EIF3H: variants seen among roughly 807,000 people sequenced by gnomAD.
The protein encoded by EIF3H is eIF-3-gamma.
Under a neutral mutation model 44.2 loss-of-function variants are expected in EIF3H, and 26 were observed. That is an observed-to-expected ratio of 0.59 (90% CI 0.43 to 0.82). The LOEUF (loss-of-function observed/expected upper bound fraction) is 0.82. EIF3H is among the 40% of genes least tolerant of loss of function. The pLI is 0.00. For synonymous variants in EIF3H, 166 were observed against 151.9 expected (o/e 1.09, Z -0.68); for missense variants, 359 against 432.8 (o/e 0.83, Z 1.51).
intron 2 of EIF3H, among the ~76,000 whole-genome samples, chr8:116,718,311 A>C (rs972272656): frequency 6.6e-6 from 1 of 152,144 alleles, no homozygotes; most frequent in Non-Finnish European, 1.5e-5. Context: ...GTGTGTGGTG[A>C]CTGCTTAAAG....
chr8:116,764,111 C>T (rs2131015443), intron 1 of EIF3H, among the ~76,000 whole-genome samples: 1 of 152,252 alleles, frequency 6.6e-6, no homozygotes, highest in East Asian at 1.9e-4. Flanking sequence ...AATTAATCGC[C>T]TACTTACTCC....
intron 2 of EIF3H, among the ~76,000 whole-genome samples, chr8:116,710,098 CA>C (rs1015580364): frequency 6.6e-6 from 1 of 152,156 alleles, no homozygotes; most frequent in Admixed American, 6.5e-5. Context: ...TCTGCTTGCC[CA>C]GATGGCAGTC....
chr8:116,747,754 T>C (rs569176365), intron 1 of EIF3H, among the ~76,000 whole-genome samples: 1 of 152,156 alleles, frequency 6.6e-6, no homozygotes, highest in South Asian at 2.1e-4. Flanking sequence ...TCACAAAAAA[T>C]CTACAGTGAC....
At chr8:116,688,511 C>T (rs1814117879) in intron 2 of EIF3H, among the ~76,000 whole-genome samples, 1 of 151,694 alleles carries the variant, frequency 6.6e-6, no homozygotes, top group African/African-American at 2.4e-5. Flanking sequence ...AAAAGATATA[C>T]TGTCATTACA....
At chr8:116,657,626 T>C (rs763696754) in intron 3 of EIF3H, 3 of 290,692 alleles carry the variant, frequency 1.0e-5, no homozygotes, top group Non-Finnish European at 1.9e-5. Context: ...ATGTATCATA[T>C]GTTCTAGACA....
In EIF3H at chr8:116,661,403, T is replaced by C. The variant is rs16888624; in HGVS notation, c.290-2423A>G. 5.8e-3 allele frequency among the ~76,000 whole-genome samples: 889 copies of C among 152,330 alleles called. 9 individuals are homozygous for C. Among genetic ancestry groups the C allele is most frequent in the African/African-American group, 0.02 (826 of 41,578 alleles). On this transcript the variant is annotated intron_variant, in intron 2 of 7. Transcript: ENST00000521861. ...GAGGTTGGAGTCTGCCAACTTATAATAGCAGAAAAGAAAGACTTGGAATCT... is the reference window on the plus strand; with the variant it reads ...GAGGTTGGAGTCTGCCAACTTATAACAGCAGAAAAGAAAGACTTGGAATCT...
chr8:116,673,382 C>T lies in EIF3H; in HGVS notation c.290-14402G>A, dbSNP rs1181698318. 2.6e-5 allele frequency among the ~76,000 whole-genome samples: 4 copies of T among 152,178 alleles called. 1 individual carries two copies. The highest frequency in any genetic ancestry group is 5.9e-5 in the Non-Finnish European group (4 of 68,034). ...AGCTCTGGAAGCTATTCATATCATA[C>T]TGTGGTATTTAGATGCGGTTTTCAA... is the stretch of plus-strand genomic sequence containing the variant. On this transcript the variant is annotated intron_variant, in intron 2 of 7. Transcript: ENST00000521861.
chr8:116,743,799 A>ATATAT (rs1563659950), intron 1 of EIF3H, among the ~76,000 whole-genome samples: 1,206 of 86,588 alleles, frequency 0.014, 17 homozygotes, highest in Non-Finnish European at 0.021. Flanking sequence ...TATATATATA[A>ATATAT]ACACACACAC....
rs2130780335 is a variant in EIF3H at position 116,651,346 on chromosome 8, T to C, written c.708-2420A>G. Among the ~76,000 whole-genome samples, 3 of 152,274 alleles carry C rather than the reference T, an allele frequency of 2.0e-5. No individual in the cohort carries two copies. The South Asian group carries it at 6.2e-4, about 32-fold the overall frequency. On this transcript the variant is annotated intron_variant, in intron 5 of 7. Coordinates refer to ENST00000521861, the MANE Select transcript of EIF3H (RefSeq NM_003756.3). ...GAGGAATGGAGGGTGACTCCCAGTC[T>C]TCTGGCAGCTGGTTACTACATTTAC...
chr8:116,647,362 A>G (rs1341449547), intron 6 of EIF3H, among the ~76,000 whole-genome samples: 1 of 152,176 alleles, frequency 6.6e-6, no homozygotes, highest in African/African-American at 2.4e-5. Context: ...GGCCTCCCCA[A>G]GTGCTGGGAT....
At chr8:116,705,384 A>C (rs968754072) in intron 2 of EIF3H, among the ~76,000 whole-genome samples, 1 of 152,074 alleles carries the variant, frequency 6.6e-6, no homozygotes, top group Non-Finnish European at 1.5e-5. Context: ...TCCTTAGGTT[A>C]TAAAGATTCA....
At chr8:116,653,347 A>AC (rs1435262722) in intron 5 of EIF3H, among the ~76,000 whole-genome samples, 3 of 135,228 alleles carry the variant, frequency 2.2e-5, no homozygotes, top group Admixed American at 7.5e-5. Context: ...AAACAATCAG[A>AC]AACACACACA....
chr8:116,696,033 C>T (rs2130870427), intron 2 of EIF3H, among the ~76,000 whole-genome samples: 1 of 152,192 alleles, frequency 6.6e-6, no homozygotes, highest in South Asian at 2.1e-4. Context: ...TTTGTATATT[C>T]AAATACATGC....
chr8:116,708,249 A>G (rs1477851096), intron 2 of EIF3H, among the ~76,000 whole-genome samples: 2 of 152,232 alleles, frequency 1.3e-5, no homozygotes, highest in East Asian at 3.9e-4. Flanking sequence ...TAATGGGCAC[A>G]TGAATAAAAG....
intron 3 of EIF3H, among the ~76,000 whole-genome samples, chr8:116,657,992 T>C (rs1276069413): frequency 1.3e-5 from 2 of 152,152 alleles, no homozygotes; most frequent in African/African-American, 2.4e-5. Flanking sequence ...CTTAACACAG[T>C]GAAACTTTTA....
chr8:116,748,699 T>G (rs993961497), intron 1 of EIF3H, among the ~76,000 whole-genome samples: 1 of 152,104 alleles, frequency 6.6e-6, no homozygotes, highest in Non-Finnish European at 1.5e-5. Context: ...TGTGAAGAAA[T>G]AAGCAACAAG....
At chr8:116,695,068 T>C (rs758142444) in intron 2 of EIF3H, among the ~76,000 whole-genome samples, 224 of 115,826 alleles carry the variant, frequency 1.9e-3, no homozygotes, top group South Asian at 2.8e-3. Context: ...TTCCTAATTC[T>C]TTTTTTTTTT....
At chr8:116,691,802 G>A (rs868395932) in intron 2 of EIF3H, among the ~76,000 whole-genome samples, 13 of 151,566 alleles carry the variant, frequency 8.6e-5, no homozygotes, top group Non-Finnish European at 7.4e-5. Flanking sequence ...AACCCAGGAG[G>A]CGGAGGATGC....
upstream of EIF3H, chr8:116,756,017 G>A (rs978090121): frequency 1.0e-5 from 16 of 1,535,568 alleles, no homozygotes; most frequent in Admixed American, 2.0e-4. Context: ...CCGATGGAAT[G>A]ATCTAAGATG....
Sources: allele counts gnomAD v4.1 joint callset (sites outside exome capture counted in the v4.1 genomes callset), GRCh38; gene constraint gnomAD v4.1.1; transcripts MANE v1.5; gene names NCBI Gene and HGNC (gene_info 2026-07-23, HGNC 2026-07-21).